ULK3: variants seen among roughly 807,000 people sequenced by gnomAD.
The protein encoded by ULK3 is unc-51 like kinase 3.
Under a neutral mutation model 69.4 loss-of-function variants are expected in ULK3, and 54 were observed. The observed-to-expected ratio is 0.78, with a 90% CI of 0.63 to 0.98. The LOEUF is 0.98. Among genes scored for constraint, ULK3 ranks in the 50% least tolerant of loss-of-function variants. The pLI is 0.00. For missense variants in ULK3, 558 were observed against 627.7 expected (o/e 0.89, Z 1.19); for synonymous variants, 240 against 254.5 (o/e 0.94, Z 0.54).
chr15:74,841,329 G>C, intron 4 of ULK3, 76 bp downstream of exon 4: 2 of 1,265,196 alleles, frequency 1.6e-6, no homozygotes, highest in Non-Finnish European at 2.3e-6. Context: ...ATAAGAACCA[G>C]GGCTGCTGAG....
At position 74,837,226 on chromosome 15, in the gene ULK3, G is replaced by A. The variant is rs2064043605; in HGVS notation, c.*2C>T. 6.4e-7 allele frequency: 1 copy of A among 1,563,556 alleles called. No homozygotes were observed. Among genetic ancestry groups the A allele is most frequent in the Non-Finnish European group, 8.7e-7 (1 of 1,153,024 alleles). On this transcript the variant is annotated 3_prime_UTR_variant, in exon 16 of 16. Transcript: ENST00000440863. ...CACATCTGTCCAATCATTCTTCTAGGGTCACTGAAGGGTGCAAGCTACGGG... is the reference window on the plus strand; with the variant it reads ...CACATCTGTCCAATCATTCTTCTAGAGTCACTGAAGGGTGCAAGCTACGGG...
chr15:74,842,818 G>T lies in ULK3; in HGVS notation c.102+186C>A, dbSNP rs2064310509. ...TCTTCAGCCACTGACCCTGCAGGTG[G>T]GTGCAGGTGCGCTCTTTAAGACCTA... On this transcript the variant is annotated intron_variant, in intron 1 of 15. Transcript: ENST00000440863. This position sits in a 1 kb window ranked among gnomAD's most constrained non-coding sequence, Gnocchi z 4.9. 5.1e-6 allele frequency: 7 copies of T among 1,374,700 alleles called. No homozygotes were observed. In the South Asian group the frequency reaches 7.1e-5, roughly 14 times the overall value. The allele number at this position is 1,374,700 out of a possible 1,614,324, so 85.2% of individuals were successfully genotyped here. A position where few individuals can be genotyped will look rare whatever the true frequency, so the allele number is the denominator to read the frequency against.
At chr15:74,838,220 C>T (rs1459791689) in intron 12 of ULK3, 28 bp from the exon 13 acceptor site, 20 of 1,566,796 alleles carry the variant, frequency 1.3e-5, no homozygotes, top group Non-Finnish European at 1.7e-5. Flanking sequence ...GTGGTGAGGA[C>T]AGGGTGGCCA....
rs553191866 is a variant in ULK3, at chr15:74,842,285, A to C, written c.238T>G (p.Phe80Val). Reference sequence around the variant, plus strand: ...GCCCCGCCCCAGGCTCACACCTGAAAGTCTTTCAGCTGCACAATGTGGGGA... The same window carrying C: ...GCCCCGCCCCAGGCTCACACCTGAACGTCTTTCAGCTGCACAATGTGGGGA... ...RHPHIVQLKD[F>V]QWDSDNIYLI... Residue 80 changes from phenylalanine (F) to valine (V), a missense_variant, in exon 2 of 16, where the codon TTT (phenylalanine) becomes GTT (valine). Physicochemically the swap from Phe to Val is conservative, Grantham distance 50. Coordinates refer to ENST00000440863, the MANE Select transcript of ULK3 (RefSeq NM_001099436.4). This position sits in a 1 kb window ranked among gnomAD's most constrained non-coding sequence, Gnocchi z 4.9. The C allele has an allele frequency of 2.5e-6, 4 of 1,613,990 alleles. No individual in the cohort carries two copies. The East Asian group carries it at 8.9e-5, about 36-fold the overall frequency.
In ULK3 at chr15:74,837,100, T is replaced by G; in HGVS notation, c.*128A>C. The G allele has an allele frequency of 7.8e-7, 1 of 1,285,766 alleles. No homozygotes were observed. The highest frequency in any genetic ancestry group is 1.6e-5 in the South Asian group (1 of 61,244). The allele number at this position is 1,285,766 out of a possible 1,614,324, so 79.6% of individuals were successfully genotyped here. A position where few individuals can be genotyped will look rare whatever the true frequency, so the allele number is the denominator to read the frequency against. On this transcript the variant is annotated 3_prime_UTR_variant, in exon 16 of 16. Transcript: ENST00000440863. ...GGCTGGGGACTCTGGGATATGGGGGTCTCAGCACTGTCCATCCAAGAAGCC... is the reference window on the plus strand; with the variant it reads ...GGCTGGGGACTCTGGGATATGGGGGGCTCAGCACTGTCCATCCAAGAAGCC...
chr15:74,837,503 AGT>A (rs2064057454), intron 14 of ULK3, 68 bp from the exon 15 acceptor site: 25 of 1,133,640 alleles, frequency 2.2e-5, no homozygotes, highest in Middle Eastern at 2.2e-4. Flanking sequence ...GTGCCGAGCA[AGT>A]GAGAGAGTGA....
intron 6 of ULK3, 115 bp from the exon 7 acceptor site, chr15:74,839,828 G>T: frequency 7.4e-7 from 1 of 1,346,386 alleles, no homozygotes; most frequent in South Asian, 1.5e-5. Flanking sequence ...GGGAATCTGA[G>T]ACCGAGGAGG....
rs1265696331 is a variant in ULK3, at chr15:74,840,556, C to T, written c.555G>A (p.Val185=). The T allele has an allele frequency of 6.2e-7, 1 of 1,611,248 alleles. No homozygotes were observed. ...CGCGGGCGTCATACTGCCGCTGGCA[C>T]ACCATCTCGGGGGCCATGTAGAGGG... The part of the protein sequence containing the change: ...GSPLYMAPEM[V]CQRQYDARVD... The change falls in exon 5 of 16, where the codon GTG becomes GTA. Residue 185 remains valine, a synonymous_variant. Coordinates refer to ENST00000440863, the MANE Select transcript of ULK3 (RefSeq NM_001099436.4).
In ULK3 at chr15:74,842,148, G is replaced by T; in HGVS notation, c.291C>A (p.Gly97=). The T allele has an allele frequency of 6.2e-7, 1 of 1,613,926 alleles. No individual in the cohort carries two copies. The highest frequency in any genetic ancestry group is 8.5e-7 in the Non-Finnish European group (1 of 1,179,882). The change falls in exon 3 of 16, where the codon GGC becomes GGA. Residue 97 remains glycine, a synonymous_variant. Transcript: ENST00000440863. This position sits in a 1 kb window ranked among gnomAD's most constrained non-coding sequence, Gnocchi z 4.9. ...IYLIMEFCAG[G]DLSRFIHTRR... is the part of the protein sequence containing the mutation. Reference sequence around the variant, plus strand: ...GGGTATGGATGAAGCGAGACAGGTCGCCCCCTGCGCAAAACTCCATGATGA... The same window carrying T: ...GGGTATGGATGAAGCGAGACAGGTCTCCCCCTGCGCAAAACTCCATGATGA...
At position 74,841,518 on chromosome 15, in the gene ULK3, C is replaced by G; in HGVS notation, c.365-9G>C. The G allele has an allele frequency of 3.1e-6, 5 of 1,612,762 alleles. No homozygotes were observed. The highest frequency in any genetic ancestry group is 4.2e-6 in the Non-Finnish European group (5 of 1,178,934). Reference sequence around the variant, plus strand: ...GAATTGCAGGGCGCTAGCTGAGGAGCAGGACCCACGAAGAGAGACAGTTCA... The same window carrying G: ...GAATTGCAGGGCGCTAGCTGAGGAGGAGGACCCACGAAGAGAGACAGTTCA... On this transcript the variant is annotated splice_polypyrimidine_tract_variant and intron_variant, in intron 3 of 15. Coordinates refer to ENST00000440863, the MANE Select transcript of ULK3 (RefSeq NM_001099436.4).
At chr15:74,840,799 A>G in intron 4 of ULK3, 158 bp from the exon 5 acceptor site, 1 of 997,894 alleles carries the variant, frequency 1.0e-6, no homozygotes, top group Non-Finnish European at 1.4e-6. Context: ...ACCCTCCTAT[A>G]TCTGCCTCTG....
intron 13 of ULK3, 101 bp from the exon 14 acceptor site, chr15:74,837,899 GC>G: frequency 7.6e-7 from 1 of 1,309,914 alleles, no homozygotes; most frequent in Non-Finnish European, 1.1e-6. Context: ...AGAACCCTCT[GC>G]CCCATCAGAA....
In ULK3 at chr15:74,842,808, C is replaced by T; in HGVS notation, c.102+196G>A. 7.0e-7 allele frequency: 1 copy of T among 1,422,168 alleles called. No individual in the cohort carries two copies. The highest frequency in any genetic ancestry group is 2.5e-5 in the East Asian group (1 of 39,990). 88.1% of individuals were successfully genotyped at this position (1,422,168 alleles called of 1,614,324 possible). On this transcript the variant is annotated intron_variant, in intron 1 of 15. Coordinates refer to ENST00000440863, the MANE Select transcript of ULK3 (RefSeq NM_001099436.4). The surrounding 1 kb of genome is among the most constrained non-coding windows in gnomAD (Gnocchi z 4.9). ...TTGAGCCTGTTCTTCAGCCACTGAC[C>T]CTGCAGGTGGGTGCAGGTGCGCTCT...
rs371058363 is a variant in ULK3 at position 74,837,375 on chromosome 15, G to T, written c.1396C>A (p.Arg466Ser). Residue 466 changes from arginine to serine, a missense_variant, in exon 15 of 16, where the codon CGT (arginine) becomes AGT (serine). By Grantham distance (110) the Arg-to-Ser change is moderately radical. Coordinates refer to ENST00000440863, the MANE Select transcript of ULK3 (RefSeq NM_001099436.4). ...LDKEGLSESV[R>S]SSCTLQ Reference sequence around the variant, plus strand: ...ACCCCAGGGCAGGACTCACAGCTACGAACAGATTCCGACAGTCCCTCTTTG... The same window carrying T: ...ACCCCAGGGCAGGACTCACAGCTACTAACAGATTCCGACAGTCCCTCTTTG... The T allele has an allele frequency of 1.9e-6, 3 of 1,613,054 alleles. No homozygotes were observed. The highest frequency in any genetic ancestry group is 1.7e-6 in the Non-Finnish European group (2 of 1,179,538).
In ULK3 at chr15:74,840,651, A is replaced by T. The variant is rs1168527091; in HGVS notation, c.470-10T>A. 1 of 1,549,352 alleles carries T rather than the reference A, an allele frequency of 6.5e-7. No homozygotes were observed. The highest frequency in any genetic ancestry group is 1.4e-5 in the African/African-American group (1 of 72,744). ...TGTGCGAAACCAAAGTCTGCAGGCA[A>T]GAGGAGAGGCAGCAGGGCTTGAATT... On this transcript the variant is annotated splice_polypyrimidine_tract_variant and intron_variant, in intron 4 of 15. Coordinates refer to ENST00000440863, the MANE Select transcript of ULK3 (RefSeq NM_001099436.4).
rs1232901172 is a variant in ULK3, at chr15:74,842,049, G to A, written c.364+26C>T. 1.9e-6 allele frequency: 3 copies of A among 1,613,286 alleles called. No individual in the cohort carries two copies. Among genetic ancestry groups the A allele is most frequent in the Non-Finnish European group, 1.7e-6 (2 of 1,179,822 alleles). On this transcript the variant is annotated intron_variant, in intron 3 of 15. Coordinates refer to ENST00000440863, the MANE Select transcript of ULK3 (RefSeq NM_001099436.4). This position sits in a 1 kb window ranked among gnomAD's most constrained non-coding sequence, Gnocchi z 4.9. Reference sequence around the variant, plus strand: ...GGGGGCAGAGAACAAGGGACAGAGTGTCAGGCTGGTGTCACAGGCCTTTAC... The same window carrying A: ...GGGGGCAGAGAACAAGGGACAGAGTATCAGGCTGGTGTCACAGGCCTTTAC...
chr15:74,837,480 G>A (rs146503353), intron 14 of ULK3, 45 bp from the exon 15 acceptor site: 39 of 1,266,048 alleles, frequency 3.1e-5, no homozygotes, highest in Admixed American at 2.8e-5. Context: ...GCAGACACAC[G>A]AGCCACAGCG....
chr15:74,840,455 A>G (rs745891628), intron 5 of ULK3, 43 bp downstream of exon 5: 8 of 1,582,754 alleles, frequency 5.1e-6, no homozygotes, highest in East Asian at 2.3e-5. Context: ...TGCCTGAGGA[A>G]ACTGTAGGCC....
In ULK3 at chr15:74,839,653, G is replaced by C; in HGVS notation, c.757C>G (p.Arg253Gly). 1 of 1,553,702 alleles carries C rather than the reference G, an allele frequency of 6.4e-7. No individual in the cohort carries two copies. Among genetic ancestry groups the C allele is most frequent in the Non-Finnish European group, 8.7e-7 (1 of 1,150,382 alleles). ...CRDLLQRLLE[R>G]DPSRRISFQD... ...AAGGAGATGCGACGGCTGGGGTCCC[G>C]CTCCAGGAGCCGCTGCAGTAGGTCC... The change falls in exon 7 of 16, where the codon CGG becomes GGG. Residue 253 changes from arginine to glycine, a missense_variant. Physicochemically the swap from Arg to Gly is moderately radical, Grantham distance 125. Coordinates refer to ENST00000440863, the MANE Select transcript of ULK3 (RefSeq NM_001099436.4).
Sources: allele counts gnomAD v4.1 joint callset, GRCh38; gene constraint gnomAD v4.1.1; non-coding constraint Gnocchi (gnomAD v3.1); transcripts MANE v1.5; gene names NCBI Gene and HGNC (gene_info 2026-07-23, HGNC 2026-07-21).